Variants in NPFFR2 observed in about 807,000 individuals in gnomAD.
NPFFR2 encodes the protein G-protein coupled receptor 74.
In NPFFR2, 15 loss-of-function variants were observed where a neutral mutation model predicts 13.1. The ratio of observed to expected loss-of-function variants is 1.15; its 90% CI spans 0.77 to 1.76. The LOEUF (loss-of-function observed/expected upper bound fraction) is 1.76. Ranked by LOEUF, NPFFR2 falls within the 40% of genes most tolerant of loss-of-function variation. NPFFR2 has a pLI of 0.00. For synonymous variants in NPFFR2, 190 were observed against 175.7 expected (o/e 1.08, Z -0.65); for missense variants, 572 against 503.5 (o/e 1.14, Z -1.30).
intron 1 of NPFFR2, among the ~76,000 whole-genome samples, chr4:72,114,701 C>G (rs1169430032): frequency 1.3e-5 from 2 of 152,126 alleles, no homozygotes; most frequent in Non-Finnish European, 2.9e-5. Context: ...GTCACCCCTA[C>G]TAATAGATAT....
intron 1 of NPFFR2, among the ~76,000 whole-genome samples, chr4:72,091,580 G>T (rs6836423): frequency 6.6e-6 from 1 of 152,072 alleles, no homozygotes; most frequent in African/African-American, 2.4e-5. Context: ...ACATATCCAA[G>T]AATTTATCCA....
At chr4:72,143,876 A>G (rs904628985) in intron 3 of NPFFR2, among the ~76,000 whole-genome samples, 2 of 152,178 alleles carry the variant, frequency 1.3e-5, no homozygotes, top group Admixed American at 6.5e-5. Flanking sequence ...TGATGTACTC[A>G]CCATTCTCTC....
chr4:72,086,550 TTA>T (rs1384067205), intron 1 of NPFFR2, among the ~76,000 whole-genome samples: 1 of 152,124 alleles, frequency 6.6e-6, no homozygotes, highest in African/African-American at 2.4e-5. Context: ...AATATGTAAT[TTA>T]TATGTTTATT....
intron 1 of NPFFR2, among the ~76,000 whole-genome samples, chr4:72,098,782 G>A (rs1239547615): frequency 1.3e-5 from 2 of 152,272 alleles, no homozygotes; most frequent in Middle Eastern, 3.4e-3. Context: ...AGAAATGGAT[G>A]GGAGAGACAG....
chr4:72,047,742 T>C (rs777736580), intron 1 of NPFFR2, among the ~76,000 whole-genome samples: 3 of 152,176 alleles, frequency 2.0e-5, no homozygotes, highest in Non-Finnish European at 1.5e-5. Flanking sequence ...TATAGAAATA[T>C]ATGCGTATAT....
chr4:72,043,078 G>A (rs934922791), intron 1 of NPFFR2, among the ~76,000 whole-genome samples: 2 of 152,164 alleles, frequency 1.3e-5, no homozygotes, highest in African/African-American at 2.4e-5. Context: ...CTCCAACCGT[G>A]GGTAAAAGGG....
chr4:72,120,110 T>C (rs2109826899), intron 1 of NPFFR2, among the ~76,000 whole-genome samples: 1 of 152,228 alleles, frequency 6.6e-6, no homozygotes, highest in South Asian at 2.1e-4. Flanking sequence ...ACGTCCACCA[T>C]TACTGAGGCT....
chr4:72,089,139 G>C (rs909889429), intron 1 of NPFFR2, among the ~76,000 whole-genome samples: 1 of 152,028 alleles, frequency 6.6e-6, no homozygotes, highest in African/African-American at 2.4e-5. Context: ...ATCTTATCCA[G>C]GTTGCTGCAA....
At chr4:72,054,822 A>G (rs1474384884) in intron 1 of NPFFR2, among the ~76,000 whole-genome samples, 1 of 151,876 alleles carries the variant, frequency 6.6e-6, no homozygotes, top group Non-Finnish European at 1.5e-5. Context: ...GGAGATATTA[A>G]TAGCTAATAA....
At position 72,147,406 on chromosome 4, in the gene NPFFR2, C is replaced by T; in HGVS notation, c.857C>T (p.Ser286Leu). 1.9e-6 allele frequency: 3 copies of T among 1,614,152 alleles called. No individual in the cohort carries two copies. The highest frequency in any genetic ancestry group is 2.5e-6 in the Non-Finnish European group (3 of 1,180,030). Residue 286 changes from serine (S) to leucine (L), a missense_variant, in exon 4 of 4, where the codon TCA becomes TTA. Coordinates refer to ENST00000308744, the MANE Select transcript of NPFFR2 (RefSeq NM_004885.3). Reference sequence around the variant, plus strand: ...ATTGTGGCCCTGCTTTTTATTCTCTCATGGCTGCCCCTGTGGACTCTAATG... The same window carrying T: ...ATTGTGGCCCTGCTTTTTATTCTCTTATGGCTGCCCCTGTGGACTCTAATG... ...LLIVALLFILSWLPLWTLMML... is the reference protein window; with the variant it reads ...LLIVALLFILLWLPLWTLMML...
At chr4:72,079,382 A>G (rs1052817835) in intron 1 of NPFFR2, among the ~76,000 whole-genome samples, 3 of 152,148 alleles carry the variant, frequency 2.0e-5, no homozygotes, top group African/African-American at 7.2e-5. Context: ...CTTATGAAAG[A>G]TTTTGTGGTT....
chr4:72,141,171 A>G (rs927895287), intron 3 of NPFFR2, among the ~76,000 whole-genome samples: 2 of 150,610 alleles, frequency 1.3e-5, no homozygotes, highest in Non-Finnish European at 3.0e-5. Context: ...TAGTGTTGCT[A>G]GTAGTCTATC....
intron 1 of NPFFR2, among the ~76,000 whole-genome samples, chr4:72,072,367 A>G (rs936092626): frequency 2.0e-5 from 3 of 152,050 alleles, no homozygotes; most frequent in Non-Finnish European, 4.4e-5. Flanking sequence ...AAATGAAGAG[A>G]CAGAAAACCT....
chr4:72,139,271 C>T (rs1174055579), intron 3 of NPFFR2, among the ~76,000 whole-genome samples: 3 of 152,114 alleles, frequency 2.0e-5, no homozygotes, highest in Non-Finnish European at 4.4e-5. Context: ...AATTAGATCC[C>T]ATTTGTCTAT....
At chr4:72,070,547 G>GTA (rs1720213048) in intron 1 of NPFFR2, among the ~76,000 whole-genome samples, 1 of 2,336 alleles carries the variant, frequency 4.3e-4, no homozygotes, top group Admixed American at 4.2e-3. Flanking sequence ...AGTATCGTGT[G>GTA]TGTGTGTGTG....
At chr4:72,049,214 T>G (rs999049936) in intron 1 of NPFFR2, among the ~76,000 whole-genome samples, 3 of 152,082 alleles carry the variant, frequency 2.0e-5, no homozygotes, top group African/African-American at 4.8e-5. Flanking sequence ...CCTATGAAAA[T>G]TATTATTTGG....
chr4:72,056,840 T>C (rs1483528677), intron 1 of NPFFR2, among the ~76,000 whole-genome samples: 1 of 151,954 alleles, frequency 6.6e-6, no homozygotes, highest in African/African-American at 2.4e-5. Context: ...GAATTAGAAG[T>C]GGAACCTGAA....
chr4:72,079,176 C>A (rs1379723328), intron 1 of NPFFR2, among the ~76,000 whole-genome samples: 2 of 151,564 alleles, frequency 1.3e-5, no homozygotes, highest in South Asian at 4.2e-4. Context: ...AGGATGTTAC[C>A]TTTGAGTGAA....
At chr4:72,120,952 C>A (rs1721856312) in intron 1 of NPFFR2, among the ~76,000 whole-genome samples, 1 of 151,846 alleles carries the variant, frequency 6.6e-6, no homozygotes, top group Non-Finnish European at 1.5e-5. Context: ...CAAACTCTTC[C>A]AAGCTAAAGG....
Sources: gnomAD v4.1 joint callset for allele counts (sites outside exome capture counted in the v4.1 genomes callset) on GRCh38, gnomAD v4.1.1 for gene constraint, MANE v1.5 for transcripts, NCBI Gene and HGNC (gene_info 2026-07-23, HGNC 2026-07-21) for gene names.